The following ULK2 variants were observed in gnomAD, a reference collection of about 807,000 sequenced individuals.
ULK2 encodes serine/threonine-protein kinase ULK2.
ULK2 carries 76 observed loss-of-function variants against 127.5 expected under a neutral mutation model. That is an observed-to-expected ratio of 0.60 (90% CI 0.50 to 0.72). ULK2 has a LOEUF of 0.72. ULK2 is among the 30% of genes least tolerant of loss of function. The pLI is 0.00. For missense variants in ULK2, 1,144 were observed against 1,295.9 expected, an observed-to-expected ratio of 0.88 and a Z score of 1.80; for synonymous variants, 452 against 461.9, an observed-to-expected ratio of 0.98 and a Z score of 0.28.
rs1398381008 is a variant in ULK2, at chr17:19,831,698, G to C, written c.788-5512C>G. ...ACAAATTAGCCGGGCGTGGTGGTGG[G>C]CACCTGTAATCCCAGCTGCTCAGGA... On this transcript the variant is annotated intron_variant, in intron 10 of 26. Coordinates refer to ENST00000395544, the MANE Select transcript of ULK2 (RefSeq NM_014683.4). Among the ~76,000 whole-genome samples the C allele has an allele frequency of 3.3e-5, 5 of 151,726 alleles. No individual in the cohort carries two copies. The East Asian group carries it at 9.8e-4, about 30-fold the overall frequency.
chr17:19,835,716 CA>C (rs560783387), intron 10 of ULK2, among the ~76,000 whole-genome samples: 312 of 113,532 alleles, frequency 2.7e-3, no homozygotes, highest in Non-Finnish European at 4.3e-3. Context: ...GACTCCGTCT[CA>C]AAAAAAAAAA....
intron 12 of ULK2, among the ~76,000 whole-genome samples, chr17:19,821,284 G>C (rs1005934109): frequency 1.7e-4 from 26 of 152,246 alleles, no homozygotes; most frequent in African/African-American, 6.0e-4. Context: ...TCCAGCCTGG[G>C]TGACAGAGTG....
chr17:19,793,215 G>A (rs920265617), intron 20 of ULK2, among the ~76,000 whole-genome samples: 2 of 152,128 alleles, frequency 1.3e-5, no homozygotes, highest in Non-Finnish European at 2.9e-5. Flanking sequence ...CATATCTCGT[G>A]AGAACTCACT....
At chr17:19,845,670 T>C (rs2041863943) in intron 6 of ULK2, among the ~76,000 whole-genome samples, 1 of 152,152 alleles carries the variant, frequency 6.6e-6, no homozygotes, top group Non-Finnish European at 1.5e-5. Flanking sequence ...ACAGTTTTCA[T>C]TAAATATCAA....
chr17:19,800,001 G>A (rs555222415), intron 16 of ULK2, among the ~76,000 whole-genome samples: 3 of 152,284 alleles, frequency 2.0e-5, no homozygotes, highest in Non-Finnish European at 2.9e-5. Context: ...TGCATATGGT[G>A]GGACACTAAT....
At chr17:19,791,671 C>T (rs566126690) in intron 20 of ULK2, among the ~76,000 whole-genome samples, 35 of 151,668 alleles carry the variant, frequency 2.3e-4, no homozygotes, top group African/African-American at 6.8e-4. Flanking sequence ...GGCAACAGAG[C>T]GAAACTCTGT....
chr17:19,795,347 TAAAAAAAAAAAA>T (rs755484577), intron 20 of ULK2, among the ~76,000 whole-genome samples: 7 of 82,756 alleles, frequency 8.5e-5, no homozygotes, highest in Non-Finnish European at 8.2e-5. Context: ...ACCCTACTGA[TAAAAAAAAAAAA>T]AAAAAAAAAA....
intron 9 of ULK2, chr17:19,840,565 A>G: frequency 4.5e-6 from 1 of 220,628 alleles, no homozygotes; most frequent in Non-Finnish European, 9.0e-6. Flanking sequence ...TCTATTAATC[A>G]TTTAAAAAAA....
At chr17:19,823,918 C>T (rs2041223705) in intron 12 of ULK2, among the ~76,000 whole-genome samples, 1 of 152,220 alleles carries the variant, frequency 6.6e-6, no homozygotes, top group South Asian at 2.1e-4. Flanking sequence ...TCTGCATCTG[C>T]TTTACCTAAC....
chr17:19,794,729 A>G (rs1056547318), intron 20 of ULK2, among the ~76,000 whole-genome samples: 1 of 152,096 alleles, frequency 6.6e-6, no homozygotes, highest in Non-Finnish European at 1.5e-5. Context: ...TAGAGAAAAA[A>G]AAAAAAAACA....
chr17:19,780,918 TCA>T, intron 24 of ULK2, 66 bp downstream of exon 24: 1 of 1,406,234 alleles, frequency 7.1e-7, no homozygotes. Context: ...AGACACTCTC[TCA>T]CAGTGTGATG....
chr17:19,776,087 C>T lies in ULK2; in HGVS notation c.*262G>A, dbSNP rs2086807096. On this transcript the variant is annotated 3_prime_UTR_variant, in exon 27 of 27. Transcript: ENST00000395544. The stretch of plus-strand genomic sequence containing the variant: ...CCTAGTTCTAAGGTACATTTATTCA[C>T]CAAGTCCAAACTGGGAGCCAAACAC... 4 of 440,064 alleles carry T rather than the reference C, an allele frequency of 9.1e-6. No individual in the cohort carries two copies. The highest frequency in any genetic ancestry group is 1.6e-5 in the Non-Finnish European group (4 of 245,976). The allele number at this position is 440,064 out of a possible 1,614,324, so 27.3% of individuals were successfully genotyped here.
At chr17:19,859,212 G>A (rs907441631) in intron 3 of ULK2, among the ~76,000 whole-genome samples, 6 of 151,600 alleles carry the variant, frequency 4.0e-5, no homozygotes, top group Non-Finnish European at 5.9e-5. Context: ...GGTCACTACT[G>A]GTTAAAAAGA....
intron 3 of ULK2, among the ~76,000 whole-genome samples, chr17:19,859,775 G>A (rs2042204354): frequency 6.6e-6 from 1 of 152,170 alleles, no homozygotes; most frequent in African/African-American, 2.4e-5. Flanking sequence ...AAGTTCCTGG[G>A]CTCAAGCCTT....
intron 12 of ULK2, among the ~76,000 whole-genome samples, chr17:19,823,951 T>C (rs2152392382): frequency 6.6e-6 from 1 of 152,330 alleles, no homozygotes; most frequent in East Asian, 1.9e-4. Context: ...TTGCGTTATA[T>C]ACTATGTGTC....
intron 13 of ULK2, among the ~76,000 whole-genome samples, chr17:19,811,860 A>G (rs760770131): frequency 1.2e-4 from 19 of 152,216 alleles, no homozygotes; most frequent in Non-Finnish European, 2.4e-4. Context: ...TAAGTCAGAT[A>G]GGACCAATAA....
intron 12 of ULK2, among the ~76,000 whole-genome samples, chr17:19,821,623 A>G (rs1228170779): frequency 1.3e-5 from 2 of 152,224 alleles, no homozygotes; most frequent in African/African-American, 2.4e-5. Context: ...AGGTCTATCA[A>G]ACCATACCAT....
At chr17:19,846,137 C>CA (rs1567720706) in intron 6 of ULK2, among the ~76,000 whole-genome samples, 1 of 151,148 alleles carries the variant, frequency 6.6e-6, no homozygotes, top group Admixed American at 6.6e-5. Flanking sequence ...GACAAACAAA[C>CA]AAAAAAAGAA....
intron 10 of ULK2, among the ~76,000 whole-genome samples, chr17:19,837,099 GA>G (rs199633631): frequency 5.9e-4 from 78 of 131,744 alleles, no homozygotes; most frequent in South Asian, 1.5e-3. Flanking sequence ...TCTAATAAAA[GA>G]AAAAAAAAAA....
Sources: gnomAD v4.1 joint callset for allele counts (sites outside exome capture counted in the v4.1 genomes callset) on GRCh38, gnomAD v4.1.1 for gene constraint, MANE v1.5 for transcripts, NCBI Gene and HGNC (gene_info 2026-07-23, HGNC 2026-07-21) for gene names.